NPAS3: variants seen among roughly 807,000 people sequenced by gnomAD.
NPAS3 encodes the protein neuronal PAS domain protein 3.
In NPAS3, 14 loss-of-function variants were observed where a neutral mutation model predicts 73.1. The observed-to-expected ratio is 0.19, with a 90% CI of 0.13 to 0.30. The LOEUF is 0.30. Among genes scored for constraint, NPAS3 ranks in the 10% least tolerant of loss-of-function variants. NPAS3 has a pLI of 1.00. For synonymous variants in NPAS3, 620 were observed against 541.5 expected, an observed-to-expected ratio of 1.14 and a Z score of -2.01; for missense variants, 1,096 against 1,250.0, an observed-to-expected ratio of 0.88 and a Z score of 1.86.
intron 3 of NPAS3, among the ~76,000 whole-genome samples, chr14:33,278,504 T>A (rs1365414431): frequency 8.6e-5 from 12 of 139,690 alleles, no homozygotes; most frequent in Admixed American, 2.2e-4. Flanking sequence ...AGAAGCCAAG[T>A]AAAAAAAAAA....
At chr14:33,744,424 G>A (rs2061733959) in intron 7 of NPAS3, among the ~76,000 whole-genome samples, 1 of 152,022 alleles carries the variant, frequency 6.6e-6, no homozygotes, top group South Asian at 2.1e-4. Context: ...ATGATTTGTG[G>A]CACCCCAAAA....
chr14:33,034,041 T>A (rs1206365876), intron 1 of NPAS3, among the ~76,000 whole-genome samples: 1 of 152,192 alleles, frequency 6.6e-6, no homozygotes, highest in African/African-American at 2.4e-5. Context: ...GATAAATAAA[T>A]GTAATGGCTT....
chr14:33,524,163 T>TAA (rs2053686149), intron 4 of NPAS3, among the ~76,000 whole-genome samples: 1 of 152,180 alleles, frequency 6.6e-6, no homozygotes, highest in Non-Finnish European at 1.5e-5. Flanking sequence ...TTGACAACAC[T>TAA]GCTGAAAGTA....
intron 5 of NPAS3, among the ~76,000 whole-genome samples, chr14:33,651,481 T>C (rs2058992754): frequency 1.3e-5 from 2 of 152,136 alleles, no homozygotes; most frequent in African/African-American, 2.4e-5. Context: ...TTAGGGAAAT[T>C]GAAATGCATT....
At chr14:33,005,877 A>T (rs529427240) in intron 1 of NPAS3, among the ~76,000 whole-genome samples, 2 of 152,226 alleles carry the variant, frequency 1.3e-5, no homozygotes, top group South Asian at 4.1e-4. Flanking sequence ...TGTCCTCTTG[A>T]TACTGACCTG....
chr14:33,154,912 T>C (rs1188946985), intron 2 of NPAS3, among the ~76,000 whole-genome samples: 1 of 152,240 alleles, frequency 6.6e-6, no homozygotes, highest in Non-Finnish European at 1.5e-5. Context: ...TACTTTTCCA[T>C]GCAGTTGATT....
At chr14:33,411,315 TG>T (rs1454416992) in intron 4 of NPAS3, among the ~76,000 whole-genome samples, 2 of 152,310 alleles carry the variant, frequency 1.3e-5, no homozygotes, top group East Asian at 3.9e-4. Flanking sequence ...CCCAAGTGGC[TG>T]GGATTACAGG....
chr14:33,143,072 T>C (rs769334051), intron 2 of NPAS3, among the ~76,000 whole-genome samples: 11 of 152,166 alleles, frequency 7.2e-5, no homozygotes, highest in Non-Finnish European at 1.5e-4. Context: ...GCCATTGCAC[T>C]CCAGCCTGGG....
At chr14:33,101,086 T>C (rs1025526138) in intron 2 of NPAS3, among the ~76,000 whole-genome samples, 1 of 152,020 alleles carries the variant, frequency 6.6e-6, no homozygotes, top group Non-Finnish European at 1.5e-5. Flanking sequence ...CTTTGTGAAA[T>C]AGGTAGACCC....
intron 3 of NPAS3, among the ~76,000 whole-genome samples, chr14:33,312,446 G>T (rs751428355): frequency 1.3e-5 from 2 of 151,854 alleles, no homozygotes; most frequent in Non-Finnish European, 2.9e-5. Flanking sequence ...AATCACACCT[G>T]TAGGCTCTTG....
rs146905169 is a variant in NPAS3, at chr14:32,943,365, T to G, written c.50+3999T>G. The stretch of plus-strand genomic sequence containing the variant: ...CAGAAATTGGAGCAGTTTGATAATT[T>G]TAGTCATATGAATTTTGATCTTCCC... On this transcript the variant is annotated intron_variant, in intron 1 of 11. Coordinates refer to ENST00000356141, the Ensembl canonical transcript of NPAS3. Among the ~76,000 whole-genome samples, 557 of 152,292 alleles carry G rather than the reference T, an allele frequency of 3.7e-3. 3 individuals are homozygous for G. The highest frequency in any genetic ancestry group is 0.012 in the African/African-American group (500 of 41,552).
At chr14:32,994,622 G>GT (rs2038481095) in intron 1 of NPAS3, among the ~76,000 whole-genome samples, 3 of 129,052 alleles carry the variant, frequency 2.3e-5, no homozygotes, top group African/African-American at 9.5e-5. Flanking sequence ...TTTTTTGTTT[G>GT]TTTGTTTGTT....
rs561255085 is a variant in NPAS3 at position 33,713,640 on chromosome 14, A to G, written c.734-21574A>G. On this transcript the variant is annotated intron_variant, in intron 6 of 11. Transcript: ENST00000356141. ...ATCTTGAATCTGACCTCATCTCACTATTGTCACCACCACCATCTCACCCTG... is the reference window on the plus strand; with the variant it reads ...ATCTTGAATCTGACCTCATCTCACTGTTGTCACCACCACCATCTCACCCTG... Among the ~76,000 whole-genome samples the G allele has an allele frequency of 1.8e-4, 27 of 152,158 alleles. No individual in the cohort carries two copies. In the South Asian group the frequency reaches 5.2e-3, roughly 29 times the overall value.
intron 1 of NPAS3, among the ~76,000 whole-genome samples, chr14:33,047,872 C>T (rs1437437132): frequency 6.6e-6 from 1 of 152,132 alleles, no homozygotes; most frequent in Non-Finnish European, 1.5e-5. Flanking sequence ...CTAGGTGTTT[C>T]TTCCATTGTA....
chr14:33,401,369 A>G (rs1178182327), intron 4 of NPAS3, among the ~76,000 whole-genome samples: 1 of 152,144 alleles, frequency 6.6e-6, no homozygotes, highest in African/African-American at 2.4e-5. Context: ...AGCTTTCCAT[A>G]TAGCCATCTT....
intron 2 of NPAS3, among the ~76,000 whole-genome samples, chr14:33,066,277 C>T (rs1482433307): frequency 6.6e-6 from 1 of 152,146 alleles, no homozygotes; most frequent in Non-Finnish European, 1.5e-5. Flanking sequence ...TTTGGAGAAA[C>T]ATCCAGCGGA....
chr14:33,565,942 C>T (rs1440376063), intron 5 of NPAS3, among the ~76,000 whole-genome samples: 2 of 138,332 alleles, frequency 1.4e-5, no homozygotes, highest in Admixed American at 1.5e-4. Context: ...TTGTGACCAC[C>T]CCCCTGCCAC....
intron 4 of NPAS3, among the ~76,000 whole-genome samples, chr14:33,370,049 G>A (rs1465568886): frequency 6.6e-6 from 1 of 152,148 alleles, no homozygotes; most frequent in Non-Finnish European, 1.5e-5. Context: ...GGTCAGCAAA[G>A]TAGTATAGGC....
At chr14:33,514,236 TAGTGCCTTGTCAACGG>T (rs1271272274) in intron 4 of NPAS3, among the ~76,000 whole-genome samples, 1 of 152,032 alleles carries the variant, frequency 6.6e-6, no homozygotes, top group African/African-American at 2.4e-5. Context: ...GTATAAGGAA[TAGTGCCTTGTCAACGG>T]AGTTGCACAT....
Sources: gnomAD v4.1 joint callset for allele counts (sites outside exome capture counted in the v4.1 genomes callset) on GRCh38, gnomAD v4.1.1 for gene constraint, MANE v1.5 for transcripts, NCBI Gene and HGNC (gene_info 2026-07-23, HGNC 2026-07-21) for gene names.